CLSTN2: variants seen among roughly 807,000 people sequenced by gnomAD.
CLSTN2 encodes calsyntenin 2.
In CLSTN2, 48 loss-of-function variants were observed where a neutral mutation model predicts 101.2. That is an observed-to-expected ratio of 0.47 (90% CI 0.38 to 0.60). The LOEUF is 0.60. Among genes scored for constraint, CLSTN2 ranks in the 20% least tolerant of loss-of-function variants. The pLI, the probability that CLSTN2 is intolerant of heterozygous loss-of-function variation, is 0.00. For synonymous variants in CLSTN2, 481 were observed against 463.6 expected, an observed-to-expected ratio of 1.04 and a Z score of -0.48; for missense variants, 1,160 against 1,238.2, an observed-to-expected ratio of 0.94 and a Z score of 0.95.
chr3:140,333,682 C>CTGTGTG lies in CLSTN2; in HGVS notation c.233-69919_233-69914dup, dbSNP rs10545391. ...GAAACTAACAGTATTAGAGTGGAGA[C>CTGTGTG]TGTGTGTGTGTGTGTGTGTGTGTGT... On this transcript the variant is annotated intron_variant, in intron 2 of 16. Coordinates refer to ENST00000458420, the MANE Select transcript of CLSTN2 (RefSeq NM_022131.3). Among the ~76,000 whole-genome samples the CTGTGTG allele has an allele frequency of 4.5e-3, 670 of 147,650 alleles. 2 individuals are homozygous for CTGTGTG. Among genetic ancestry groups the CTGTGTG allele is most frequent in the African/African-American group, 0.011 (425 of 39,990 alleles).
rs576121709 is a variant in CLSTN2, at chr3:140,574,521, C to A, written c.*8268C>A. Reference sequence around the variant, plus strand: ...TCCTTTCATCAGATTTACTGCAGAGCAGATTCATCAACATGAAGTTCAATT... The same window carrying A: ...TCCTTTCATCAGATTTACTGCAGAGAAGATTCATCAACATGAAGTTCAATT... On this transcript the variant is annotated 3_prime_UTR_variant, in exon 17 of 17. Transcript: ENST00000458420. 2.0e-5 allele frequency: 3 copies of A among 152,210 alleles called. No individual in the cohort carries two copies. Among genetic ancestry groups the A allele is most frequent in the African/African-American group, 7.2e-5 (3 of 41,444 alleles). 9.4% of individuals were successfully genotyped at this position (152,210 alleles called of 1,614,324 possible).
chr3:140,330,013 T>C (rs1485992023), intron 2 of CLSTN2, among the ~76,000 whole-genome samples: 1 of 152,178 alleles, frequency 6.6e-6, no homozygotes, highest in Non-Finnish European at 1.5e-5. Flanking sequence ...GGGCTGGAAG[T>C]TGTCCTTCCT....
intron 1 of CLSTN2, among the ~76,000 whole-genome samples, chr3:140,082,627 T>C (rs540268437): frequency 7.2e-5 from 11 of 152,256 alleles, no homozygotes; most frequent in African/African-American, 2.6e-4. Flanking sequence ...TTCCTACACC[T>C]TCTCATCCCC....
intron 1 of CLSTN2, among the ~76,000 whole-genome samples, chr3:140,015,831 G>A (rs1374544391): frequency 6.6e-6 from 1 of 152,246 alleles, no homozygotes; most frequent in Non-Finnish European, 1.5e-5. Flanking sequence ...GAAAAAGCAG[G>A]CTGTCAGCCT....
chr3:140,175,714 G>A (rs2010312510), intron 1 of CLSTN2, among the ~76,000 whole-genome samples: 1 of 152,198 alleles, frequency 6.6e-6, no homozygotes, highest in Non-Finnish European at 1.5e-5. Flanking sequence ...AACAAACAGT[G>A]TTTGATAGTC....
intron 8 of CLSTN2, among the ~76,000 whole-genome samples, chr3:140,491,040 G>A (rs562781710): frequency 1.9e-4 from 29 of 152,298 alleles, no homozygotes; most frequent in Non-Finnish European, 2.9e-4. Flanking sequence ...TAAGTCATAC[G>A]TCCCTAATAA....
chr3:140,205,581 T>G (rs2010770116), intron 2 of CLSTN2, among the ~76,000 whole-genome samples: 1 of 144,790 alleles, frequency 6.9e-6, no homozygotes. Context: ...GTAAGGAGGA[T>G]TGAGGATTGG....
At chr3:140,215,064 G>A (rs181730654) in intron 2 of CLSTN2, among the ~76,000 whole-genome samples, 1 of 152,258 alleles carries the variant, frequency 6.6e-6, no homozygotes, top group African/African-American at 2.4e-5. Flanking sequence ...TTGATCCCCT[G>A]GTAGAAATAG....
chr3:140,118,694 T>A (rs1235244074), intron 1 of CLSTN2, among the ~76,000 whole-genome samples: 2 of 152,146 alleles, frequency 1.3e-5, no homozygotes, highest in Non-Finnish European at 2.9e-5. Context: ...CCCAGTCCAA[T>A]TTCAGTGACT....
intron 1 of CLSTN2, among the ~76,000 whole-genome samples, chr3:140,014,957 C>T (rs1479037466): frequency 6.6e-6 from 1 of 152,226 alleles, no homozygotes; most frequent in Non-Finnish European, 1.5e-5. Flanking sequence ...TACAAGCTAA[C>T]AGCCTGCTGC....
rs543151002 is a variant in CLSTN2 at position 140,208,398 on chromosome 3, T to C, written c.232+32325T>C. Among the ~76,000 whole-genome samples the C allele has an allele frequency of 3.3e-5, 5 of 152,314 alleles. No homozygotes were observed. The East Asian group carries it at 9.6e-4, about 29-fold the overall frequency. On this transcript the variant is annotated intron_variant, in intron 2 of 16. Transcript: ENST00000458420. ...AATAGACTTCACTAACTTTATCTCTTTTATGAAATACAATAAGATCTTTTA... is the reference window on the plus strand; with the variant it reads ...AATAGACTTCACTAACTTTATCTCTCTTATGAAATACAATAAGATCTTTTA...
chr3:139,974,336 C>T (rs1935774013), intron 1 of CLSTN2, among the ~76,000 whole-genome samples: 1 of 152,192 alleles, frequency 6.6e-6, no homozygotes, highest in Admixed American at 6.5e-5. Flanking sequence ...TCAACCAAGA[C>T]ATGTTCACAC....
chr3:140,420,684 G>T (rs2107990902), intron 4 of CLSTN2, among the ~76,000 whole-genome samples: 1 of 152,266 alleles, frequency 6.6e-6, no homozygotes, highest in African/African-American at 2.4e-5. Context: ...GAACATTCCT[G>T]GCGACAAGCC....
At chr3:140,011,189 T>C (rs551645427) in intron 1 of CLSTN2, among the ~76,000 whole-genome samples, 1 of 152,318 alleles carries the variant, frequency 6.6e-6, no homozygotes, top group Admixed American at 6.5e-5. Flanking sequence ...GAAGCCTGGT[T>C]AGGGAGCAAT....
chr3:140,554,824 T>C (rs979440039), intron 10 of CLSTN2, among the ~76,000 whole-genome samples: 1 of 152,180 alleles, frequency 6.6e-6, no homozygotes, highest in Non-Finnish European at 1.5e-5. Context: ...AAGCTTGTCA[T>C]GTACTGATAC....
In CLSTN2 at chr3:140,532,318, T is replaced by C. The variant is rs1935273644; in HGVS notation, c.1345-6T>C. 6.3e-7 allele frequency: 1 copy of C among 1,590,882 alleles called. No homozygotes were observed. Among genetic ancestry groups the C allele is most frequent in the Non-Finnish European group, 8.6e-7 (1 of 1,166,226 alleles). On this transcript the variant is annotated splice_polypyrimidine_tract_variant and splice_region_variant and intron_variant, in intron 8 of 16. Coordinates refer to ENST00000458420, the MANE Select transcript of CLSTN2 (RefSeq NM_022131.3). ...TTTAAATGTTGCTTCTCTTTCCTTT[T>C]CTTAGATTTGTGACAAAGAGTGGCA... is the stretch of plus-strand genomic sequence containing the variant.
Position 140,531,013 on chromosome 3 carries a change from C to T in CLSTN2, c.1345-1311C>T, listed in dbSNP as rs1182591701. ...TGTAGTTCTCTACTAGTCTATCAGCCCTGCACTCTGTGTTCAGGTCTGCCT... is the reference window on the plus strand; with the variant it reads ...TGTAGTTCTCTACTAGTCTATCAGCTCTGCACTCTGTGTTCAGGTCTGCCT... On this transcript the variant is annotated intron_variant, in intron 8 of 16. Transcript: ENST00000458420. Among the ~76,000 whole-genome samples the T allele has an allele frequency of 2.0e-5, 3 of 152,172 alleles. No homozygotes were observed. In the South Asian group the frequency reaches 6.2e-4, roughly 32 times the overall value.
At chr3:140,105,377 A>G (rs2009038976) in intron 1 of CLSTN2, among the ~76,000 whole-genome samples, 1 of 152,130 alleles carries the variant, frequency 6.6e-6, no homozygotes, top group Non-Finnish European at 1.5e-5. Context: ...ATAAACTCTC[A>G]CTCCAAACAT....
intron 5 of CLSTN2, among the ~76,000 whole-genome samples, chr3:140,438,985 C>G (rs533646611): frequency 6.6e-6 from 1 of 152,170 alleles, no homozygotes; most frequent in African/African-American, 2.4e-5. Flanking sequence ...TGGCTGCTGA[C>G]CCACGGCCCC....
Sources: gnomAD v4.1 joint callset for allele counts (sites outside exome capture counted in the v4.1 genomes callset) on GRCh38, gnomAD v4.1.1 for gene constraint, MANE v1.5 for transcripts, NCBI Gene and HGNC (gene_info 2026-07-23, HGNC 2026-07-21) for gene names.